The following MAPK10 variants were observed in gnomAD, a reference collection of about 807,000 sequenced individuals.
The protein encoded by MAPK10 is JNK3 alpha protein kinase.
In MAPK10, 25 loss-of-function variants were observed where a neutral mutation model predicts 59.3. The ratio of observed to expected loss-of-function variants is 0.42; its 90% CI spans 0.31 to 0.59. MAPK10 has a LOEUF of 0.59. Among genes scored for constraint, MAPK10 ranks in the 20% least tolerant of loss-of-function variants. The pLI is 0.15. For missense variants in MAPK10, 351 were observed against 568.9 expected, an observed-to-expected ratio of 0.62 and a Z score of 3.90; for synonymous variants, 190 against 200.5, an observed-to-expected ratio of 0.95 and a Z score of 0.44.
chr4:86,025,660 A>C, intron 13 of MAPK10: 1 of 392,226 alleles, frequency 2.5e-6, no homozygotes, highest in Non-Finnish European at 4.5e-6. Context: ...TGTCTATAAA[A>C]ATGGCATTAA....
chr4:86,093,706 T>C (rs2053673894), intron 9 of MAPK10, among the ~76,000 whole-genome samples: 3 of 151,790 alleles, frequency 2.0e-5, no homozygotes, highest in South Asian at 4.1e-4. Flanking sequence ...AAAGACTTTC[T>C]CCTTGAATCT....
chr4:86,362,628 C>G (rs776205469), upstream of MAPK10, among the ~76,000 whole-genome samples: 30 of 151,886 alleles, frequency 2.0e-4, no homozygotes, highest in Non-Finnish European at 3.7e-4. Flanking sequence ...GTTTAATGGG[C>G]AAAAGACTCT....
intron 4 of MAPK10, among the ~76,000 whole-genome samples, chr4:86,142,448 T>C (rs1421672781): frequency 3.3e-5 from 5 of 152,192 alleles, no homozygotes; most frequent in Non-Finnish European, 5.9e-5. Flanking sequence ...ATTCATTCAA[T>C]GAAGGTTTTT....
chr4:86,583,320 G>A (rs1762435187), intron 1 of MAPK10, among the ~76,000 whole-genome samples: 1 of 152,004 alleles, frequency 6.6e-6, no homozygotes, highest in South Asian at 2.1e-4. Flanking sequence ...ACCACGCCTG[G>A]CCCCCATATA....
intron 1 of MAPK10, among the ~76,000 whole-genome samples, chr4:86,547,450 T>TGCCC (rs1759311245): frequency 6.6e-6 from 1 of 152,216 alleles, no homozygotes; most frequent in Admixed American, 6.5e-5. Flanking sequence ...GGCCAGCAAC[T>TGCCC]GCTGTGCTCA....
intron 2 of MAPK10, among the ~76,000 whole-genome samples, chr4:86,281,541 T>TAATAA (rs932366530): frequency 3.5e-5 from 5 of 143,898 alleles, no homozygotes; most frequent in African/African-American, 1.3e-4. Context: ...TAAAATAAAA[T>TAATAA]AATAAAATAA....
intron 2 of MAPK10, among the ~76,000 whole-genome samples, chr4:86,338,415 G>C (rs1000091671): frequency 6.6e-6 from 1 of 152,112 alleles, no homozygotes; most frequent in African/African-American, 2.4e-5. Context: ...CCCTCTGTAA[G>C]TTCCCCTAAT....
chr4:86,107,066 A>T (rs2056675580), intron 5 of MAPK10, 157 bp downstream of exon 5: 1 of 547,196 alleles, frequency 1.8e-6, no homozygotes, highest in Non-Finnish European at 3.2e-6. Flanking sequence ...TACCATGAGG[A>T]CAATGAAATC....
Position 86,550,374 on chromosome 4 carries a change from T to TAAAAAA in MAPK10, c.-263+43530_-263+43535dup, listed in dbSNP as rs753508493. Among the ~76,000 whole-genome samples the TAAAAAA allele has an allele frequency of 3.6e-4, 28 of 77,386 alleles. 5 individuals carry two copies. The highest frequency in any genetic ancestry group is 5.7e-4 in the African/African-American group (8 of 14,122). The allele number at this position is 77,386 out of a possible 152,430, so 50.8% of individuals were successfully genotyped here. ...CAGAAGGGCTAAGCAGAGCTTCAGT[T>TAAAAAA]AAAAAAAAAAAAAAAAAAAAAAAAA... is the stretch of plus-strand genomic sequence containing the variant. On this transcript the variant is annotated intron_variant, in intron 1 of 4. Transcript: ENST00000502302.
At chr4:86,444,014 T>C (rs1309835060) in intron 1 of MAPK10, among the ~76,000 whole-genome samples, 6 of 147,366 alleles carry the variant, frequency 4.1e-5, no homozygotes, top group Admixed American at 1.4e-4. Context: ...GATATGTCAA[T>C]AGAAACTGAA....
At chr4:86,548,102 C>T (rs1204581294) in intron 1 of MAPK10, among the ~76,000 whole-genome samples, 1 of 152,164 alleles carries the variant, frequency 6.6e-6, no homozygotes, top group Non-Finnish European at 1.5e-5. Context: ...TGCTGCTGCT[C>T]ACTGCTTGGG....
At chr4:86,119,426 T>C (rs1423067760) in intron 4 of MAPK10, 1 of 151,826 alleles carries the variant, frequency 6.6e-6, no homozygotes, top group African/African-American at 2.4e-5. Context: ...TGAAACACCG[T>C]CTCTACTAAA....
intron 4 of MAPK10, among the ~76,000 whole-genome samples, chr4:86,136,871 C>G (rs1046635445): frequency 6.6e-6 from 1 of 152,014 alleles, no homozygotes; most frequent in Non-Finnish European, 1.5e-5. Flanking sequence ...CAAAAAAAGG[C>G]AGGGGTTGTA....
At chr4:86,525,657 T>A (rs1219081947) in intron 1 of MAPK10, among the ~76,000 whole-genome samples, 1 of 152,180 alleles carries the variant, frequency 6.6e-6, no homozygotes, top group African/African-American at 2.4e-5. Flanking sequence ...ACACAGAATC[T>A]TAAATCACTA....
intron 1 of MAPK10, among the ~76,000 whole-genome samples, chr4:86,442,850 A>G (rs1409772555): frequency 4.6e-5 from 7 of 152,206 alleles, no homozygotes; most frequent in Non-Finnish European, 7.3e-5. Context: ...TTTAATAAAA[A>G]TAACGCCACT....
intron 2 of MAPK10, chr4:86,326,745 G>C (rs1247574317): frequency 2.6e-5 from 4 of 152,144 alleles, no homozygotes; most frequent in African/African-American, 9.7e-5. Flanking sequence ...ATTCAGTAGG[G>C]AGATAAAATT....
chr4:86,455,816 T>C (rs1190436936), upstream of MAPK10, among the ~76,000 whole-genome samples: 1 of 152,152 alleles, frequency 6.6e-6, no homozygotes. Flanking sequence ...ACTTAACAGA[T>C]ATTTACAGGA....
At chr4:86,097,357 T>A (rs2054435063) in intron 9 of MAPK10, among the ~76,000 whole-genome samples, 1 of 152,050 alleles carries the variant, frequency 6.6e-6, no homozygotes, top group South Asian at 2.1e-4. Context: ...AATACAAGCT[T>A]ATTATGGTAC....
At chr4:86,195,294 T>C (rs936179440) in intron 2 of MAPK10, among the ~76,000 whole-genome samples, 4 of 152,190 alleles carry the variant, frequency 2.6e-5, no homozygotes, top group African/African-American at 9.6e-5. Context: ...ATTAAACCAT[T>C]TAAAAACACC....
Sources: allele counts gnomAD v4.1 joint callset (sites outside exome capture counted in the v4.1 genomes callset), GRCh38; gene constraint gnomAD v4.1.1; transcripts MANE v1.5; gene names NCBI Gene and HGNC (gene_info 2026-07-23, HGNC 2026-07-21).